Variants in SFMBT2 observed in about 807,000 individuals in gnomAD.
SFMBT2 encodes the protein Scm like with four mbt domains 2.
In SFMBT2, 38 loss-of-function variants were observed where a neutral mutation model predicts 110.1. The ratio of observed to expected loss-of-function variants is 0.35; its 90% CI spans 0.27 to 0.45. The LOEUF (loss-of-function observed/expected upper bound fraction) is 0.45, where lower values mean the gene tolerates loss of function less well. Ranked by LOEUF, SFMBT2 falls within the 20% of genes least tolerant of loss-of-function variation. The pLI is 1.00. For missense variants in SFMBT2, 1,011 were observed against 1,094.9 expected, an observed-to-expected ratio of 0.92 and a Z score of 1.08; for synonymous variants, 425 against 425.4, an observed-to-expected ratio of 1.00 and a Z score of 0.01.
At position 7,242,725 on chromosome 10, in the gene SFMBT2, G is replaced by A. The variant is rs79504037; in HGVS notation, c.1120+833C>T. ...CATTAAATGATGTAAACAGACTGGCGAGGCCACCAGGCAAGATGGGACTCA... is the reference window on the plus strand; with the variant it reads ...CATTAAATGATGTAAACAGACTGGCAAGGCCACCAGGCAAGATGGGACTCA... On this transcript the variant is annotated intron_variant, in intron 9 of 20. Coordinates refer to ENST00000397167, the MANE Select transcript of SFMBT2 (RefSeq NM_001387889.1). Among the ~76,000 whole-genome samples, 798 of 152,292 alleles carry A rather than the reference G, an allele frequency of 5.2e-3. 7 individuals are homozygous for A. Among genetic ancestry groups the A allele is most frequent in the African/African-American group, 0.018 (748 of 41,564 alleles).
chr10:7,402,138 A>G (rs954887376), intron 1 of SFMBT2, among the ~76,000 whole-genome samples: 1 of 151,834 alleles, frequency 6.6e-6, no homozygotes, highest in Non-Finnish European at 1.5e-5. Flanking sequence ...GCCCACCTGG[A>G]AAGAAATGTC....
rs1278252303 is a variant in SFMBT2, at chr10:7,315,116, A to AAGAAAG, written c.437-29163_437-29162insCTTTCT. ...AGAAAGAAAGAAAGAAAGAAAAAGC[A>AAGAAAG]AGCAAGCAAGCCAGCCAATCCGGCA... On this transcript the variant is annotated intron_variant, in intron 4 of 20. Coordinates refer to ENST00000397167, the MANE Select transcript of SFMBT2 (RefSeq NM_001387889.1). Among the ~76,000 whole-genome samples, 159 of 105,370 alleles carry AAGAAAG rather than the reference A, an allele frequency of 1.5e-3. 3 individuals carry two copies. The highest frequency in any genetic ancestry group is 2.4e-3 in the Non-Finnish European group (103 of 42,086). The allele number at this position is 105,370 out of a possible 152,430, so 69.1% of individuals were successfully genotyped here.
At position 7,200,496 on chromosome 10, in the gene SFMBT2, G is replaced by A; in HGVS notation, c.1488-12C>T. The A allele has an allele frequency of 6.3e-7, 1 of 1,592,408 alleles. No homozygotes were observed. Among genetic ancestry groups the A allele is most frequent in the Non-Finnish European group, 8.6e-7 (1 of 1,169,130 alleles). On this transcript the variant is annotated splice_polypyrimidine_tract_variant and intron_variant, in intron 13 of 20. Transcript: ENST00000397167. Reference sequence around the variant, plus strand: ...CTGTGGGCGGCAATCTGTCAACAGAGAAAATAAAACTATCAGGGACCACAA... The same window carrying A: ...CTGTGGGCGGCAATCTGTCAACAGAAAAAATAAAACTATCAGGGACCACAA...
intron 4 of SFMBT2, among the ~76,000 whole-genome samples, chr10:7,311,805 G>A (rs972959222): frequency 6.6e-6 from 1 of 152,166 alleles, no homozygotes; most frequent in Non-Finnish European, 1.5e-5. Context: ...AAAAAAGGGG[G>A]TTTATTGAAG....
intron 16 of SFMBT2, among the ~76,000 whole-genome samples, chr10:7,186,429 C>T (rs1192918599): frequency 7.6e-6 from 1 of 130,912 alleles, no homozygotes; most frequent in Admixed American, 7.6e-5. Flanking sequence ...TATATATACA[C>T]ACACACACAC....
intron 13 of SFMBT2, among the ~76,000 whole-genome samples, chr10:7,201,147 C>T (rs1389733303): frequency 4.6e-5 from 7 of 152,200 alleles, no homozygotes; most frequent in Non-Finnish European, 1.0e-4. Context: ...TGAAAAGCTC[C>T]TTAAGCTCAA....
At chr10:7,203,057 T>A in intron 12 of SFMBT2, 1 of 985,426 alleles carries the variant, frequency 1.0e-6, no homozygotes, top group Non-Finnish European at 1.2e-6. Flanking sequence ...ATAAGAACAT[T>A]TCCAGTTTAT....
In SFMBT2 at chr10:7,261,149, C is replaced by T. The variant is rs545354319; in HGVS notation, c.871-12500G>A. 2.6e-5 allele frequency among the ~76,000 whole-genome samples: 4 copies of T among 152,282 alleles called. No individual in the cohort carries two copies. The South Asian group carries it at 8.3e-4, about 32-fold the overall frequency. On this transcript the variant is annotated intron_variant, in intron 7 of 20. Coordinates refer to ENST00000397167, the MANE Select transcript of SFMBT2 (RefSeq NM_001387889.1). ...GATGTGAGATAGTATATGCACAGTA[C>T]CCAGCACAAGGTCTGCAGCCCGTGG...
intron 4 of SFMBT2, among the ~76,000 whole-genome samples, chr10:7,309,479 G>A (rs183182888): frequency 1.3e-5 from 2 of 152,200 alleles, no homozygotes; most frequent in African/African-American, 2.4e-5. Flanking sequence ...ATGCAGAGGA[G>A]GACGAGGCCT....
At chr10:7,376,185 G>T (rs10453997) in intron 2 of SFMBT2, among the ~76,000 whole-genome samples, 1 of 151,878 alleles carries the variant, frequency 6.6e-6, no homozygotes. Context: ...AACTGACAAC[G>T]CCTGGAATCC....
rs1203970457 is a variant in SFMBT2 at position 7,367,032 on chromosome 10, A to G, written c.436+617T>C. On this transcript the variant is annotated intron_variant, in intron 4 of 20. Coordinates refer to ENST00000397167, the MANE Select transcript of SFMBT2 (RefSeq NM_001387889.1). This position sits in a 1 kb window ranked among gnomAD's most constrained non-coding sequence, Gnocchi z 6.2. ...GGCTTTGACCACTCCCTTGAGACCA[A>G]TGTCATTTCTCTCATCTGTATGGTT... is the stretch of plus-strand genomic sequence containing the variant. Among the ~76,000 whole-genome samples the G allele has an allele frequency of 6.6e-6, 1 of 151,466 alleles. No homozygotes were observed. The highest frequency in any genetic ancestry group is 1.5e-5 in the Non-Finnish European group (1 of 67,832).
chr10:7,262,094 C>G (rs1011480998), intron 7 of SFMBT2, among the ~76,000 whole-genome samples: 5 of 152,234 alleles, frequency 3.3e-5, no homozygotes, highest in Admixed American at 3.3e-4. Flanking sequence ...TCTCAAACCT[C>G]TGAAGTCCTA....
chr10:7,202,461 A>G lies in SFMBT2; in HGVS notation c.1487+19T>C, dbSNP rs763248605. The G allele has an allele frequency of 9.3e-6, 15 of 1,614,104 alleles. No individual in the cohort carries two copies. The South Asian group carries it at 1.4e-4, about 15-fold the overall frequency. ...TTTATCGGTATACAGTGTAGTCTGGAGGGGAAAAAAGCACGTACTGTTTCT... is the reference window on the plus strand; with the variant it reads ...TTTATCGGTATACAGTGTAGTCTGGGGGGGAAAAAAGCACGTACTGTTTCT... On this transcript the variant is annotated intron_variant, in intron 13 of 20. Coordinates refer to ENST00000397167, the MANE Select transcript of SFMBT2 (RefSeq NM_001387889.1).
intron 4 of SFMBT2, among the ~76,000 whole-genome samples, chr10:7,302,450 A>G (rs533564127): frequency 7.2e-5 from 11 of 152,336 alleles, no homozygotes; most frequent in East Asian, 3.9e-4. Flanking sequence ...GCAGAGTGGG[A>G]GCTCACAGCT....
intron 4 of SFMBT2, among the ~76,000 whole-genome samples, chr10:7,315,465 G>A (rs892937509): frequency 4.6e-5 from 7 of 152,122 alleles, no homozygotes; most frequent in African/African-American, 1.4e-4. Context: ...CCTGGGTCTC[G>A]AGCTTGGAGG....
At chr10:7,316,551 C>A (rs1021638290) in intron 4 of SFMBT2, among the ~76,000 whole-genome samples, 1 of 152,192 alleles carries the variant, frequency 6.6e-6, no homozygotes, top group African/African-American at 2.4e-5. Context: ...AGGAAGCCTG[C>A]GACCTGGAGG....
intron 6 of SFMBT2, among the ~76,000 whole-genome samples, chr10:7,282,305 C>T (rs1404910954): frequency 6.6e-6 from 1 of 152,174 alleles, no homozygotes; most frequent in Non-Finnish European, 1.5e-5. Flanking sequence ...GCGTGAGTCC[C>T]ATAACTTCCC....
Position 7,301,067 on chromosome 10 carries a change from G to A in SFMBT2, c.437-15113C>T, listed in dbSNP as rs1842543262. On this transcript the variant is annotated intron_variant, in intron 4 of 20. Transcript: ENST00000397167. This position sits in a 1 kb window ranked among gnomAD's most constrained non-coding sequence, Gnocchi z 4.2. Reference sequence around the variant, plus strand: ...GAATGTAAGCAGGTAACTCAGTGAAGGAAGGAGTAAACCCCAGATACCGTG... The same window carrying A: ...GAATGTAAGCAGGTAACTCAGTGAAAGAAGGAGTAAACCCCAGATACCGTG... Among the ~76,000 whole-genome samples, 1 of 152,214 alleles carries A rather than the reference G, an allele frequency of 6.6e-6. No homozygotes were observed. The highest frequency in any genetic ancestry group is 6.5e-5 in the Admixed American group (1 of 15,286).
At chr10:7,383,161 G>A (rs1588499096) in intron 1 of SFMBT2, among the ~76,000 whole-genome samples, 3 of 152,158 alleles carry the variant, frequency 2.0e-5, no homozygotes, top group South Asian at 2.1e-4. Context: ...CTCACATAGT[G>A]GTAAAATATC....
Sources: allele counts gnomAD v4.1 joint callset (sites outside exome capture counted in the v4.1 genomes callset), GRCh38; gene constraint gnomAD v4.1.1; non-coding constraint Gnocchi (gnomAD v3.1); transcripts MANE v1.5; gene names NCBI Gene and HGNC (gene_info 2026-07-23, HGNC 2026-07-21).